Variants in AGBL4 observed in about 807,000 individuals in gnomAD.
AGBL4 encodes the protein AGBL carboxypeptidase 4, also known as cytosolic carboxypeptidase 6.
A neutral mutation model predicts 66.4 loss-of-function variants in AGBL4; 58 were observed. The ratio of observed to expected loss-of-function variants is 0.87; its 90% CI spans 0.71 to 1.09. The LOEUF is 1.09. Among genes scored for constraint, AGBL4 ranks in the 50% least tolerant of loss-of-function variants. AGBL4 has a pLI of 0.00. For synonymous variants in AGBL4, 234 were observed against 222.9 expected (o/e 1.05, Z -0.44); for missense variants, 579 against 631.0 (o/e 0.92, Z 0.88).
intron 5 of AGBL4, among the ~76,000 whole-genome samples, chr1:48,888,122 C>T (rs1388513360): frequency 6.6e-6 from 1 of 152,186 alleles, no homozygotes; most frequent in African/African-American, 2.4e-5. Context: ...TTCCCATAAA[C>T]AGCACAAGCA....
intron 1 of AGBL4, among the ~76,000 whole-genome samples, chr1:49,877,575 G>A (rs541385299): frequency 6.6e-5 from 10 of 152,046 alleles, no homozygotes; most frequent in East Asian, 1.9e-4. Context: ...ATTTTATTGA[G>A]GATTTTTGCA....
At chr1:49,269,007 T>A (rs2148381922) in intron 3 of AGBL4, 1 of 152,318 alleles carries the variant, frequency 6.6e-6, no homozygotes, top group African/African-American at 2.4e-5. Context: ...TACAGCAGCT[T>A]TAAGCCAAGA....
intron 1 of AGBL4, among the ~76,000 whole-genome samples, chr1:49,937,487 G>C (rs1654204357): frequency 6.6e-6 from 1 of 152,002 alleles, no homozygotes. Flanking sequence ...GCACCAAGCA[G>C]ACCTAATAGA....
intron 5 of AGBL4, among the ~76,000 whole-genome samples, chr1:49,033,557 T>G (rs1664400070): frequency 1.3e-5 from 2 of 152,098 alleles, no homozygotes; most frequent in African/African-American, 4.8e-5. Context: ...TTCTGTGGAA[T>G]TGCCTTCTGC....
intron 3 of AGBL4, among the ~76,000 whole-genome samples, chr1:49,654,606 C>T (rs939840072): frequency 5.9e-5 from 9 of 152,082 alleles, no homozygotes; most frequent in African/African-American, 2.2e-4. Context: ...TCTGGGTGCT[C>T]CTGCATTGGC....
At chr1:48,596,620 T>G (rs903150535) in intron 9 of AGBL4, among the ~76,000 whole-genome samples, 88 of 152,216 alleles carry the variant, frequency 5.8e-4, no homozygotes, top group African/African-American at 1.9e-3. Flanking sequence ...TTTAAAAAAT[T>G]TTTTTTGTAG....
chr1:48,968,745 C>A (rs891028661), intron 5 of AGBL4, among the ~76,000 whole-genome samples: 3 of 152,060 alleles, frequency 2.0e-5, no homozygotes, highest in Non-Finnish European at 4.4e-5. Context: ...AAATTTTCTA[C>A]CACCTTCTTC....
chr1:48,718,929 G>A (rs2148529121), intron 6 of AGBL4, among the ~76,000 whole-genome samples: 1 of 152,252 alleles, frequency 6.6e-6, no homozygotes, highest in African/African-American at 2.4e-5. Context: ...TACCTGCCGT[G>A]GGATGGGCAC....
At chr1:49,806,665 C>A (rs1190634325) in intron 2 of AGBL4, among the ~76,000 whole-genome samples, 1 of 152,112 alleles carries the variant, frequency 6.6e-6, no homozygotes, top group East Asian at 1.9e-4. Flanking sequence ...AAGTTCTATT[C>A]ATCAAAACTA....
At chr1:49,163,639 G>T (rs1646579273) in intron 4 of AGBL4, among the ~76,000 whole-genome samples, 1 of 152,160 alleles carries the variant, frequency 6.6e-6, no homozygotes, top group Non-Finnish European at 1.5e-5. Context: ...AACGTCTGTT[G>T]ATGTATGAAC....
At chr1:48,923,899 A>T (rs1333207420) in intron 5 of AGBL4, among the ~76,000 whole-genome samples, 1 of 152,150 alleles carries the variant, frequency 6.6e-6, no homozygotes, top group African/African-American at 2.4e-5. Flanking sequence ...TAGTTATTAG[A>T]GAATATTAGA....
intron 1 of AGBL4, among the ~76,000 whole-genome samples, chr1:49,939,115 G>C (rs1476173797): frequency 1.3e-5 from 2 of 151,978 alleles, no homozygotes; most frequent in African/African-American, 4.8e-5. Context: ...GCTTCAAAGA[G>C]AATAAAATAC....
intron 5 of AGBL4, among the ~76,000 whole-genome samples, chr1:48,976,584 C>A (rs988396090): frequency 1.3e-5 from 2 of 152,158 alleles, no homozygotes; most frequent in Non-Finnish European, 2.9e-5. Context: ...TGGTGTCCTA[C>A]ACAGCATTCA....
At chr1:49,396,641 A>G (rs1474032914) in intron 3 of AGBL4, among the ~76,000 whole-genome samples, 2 of 152,200 alleles carry the variant, frequency 1.3e-5, no homozygotes, top group Non-Finnish European at 2.9e-5. Context: ...GTGTAAAAAT[A>G]AGATATAATA....
intron 5 of AGBL4, among the ~76,000 whole-genome samples, chr1:48,977,845 C>A (rs1659461911): frequency 6.6e-6 from 1 of 152,004 alleles, no homozygotes; most frequent in African/African-American, 2.4e-5. Context: ...GCATCTGTGC[C>A]CAATAACAAA....
At chr1:48,798,871 TCTATATGC>T (rs1645750052) in intron 6 of AGBL4, among the ~76,000 whole-genome samples, 1 of 152,188 alleles carries the variant, frequency 6.6e-6, no homozygotes, top group Non-Finnish European at 1.5e-5. Flanking sequence ...GTTTCAATAG[TCTATATGC>T]CTATTTTTAT....
At chr1:48,871,829 C>T (rs377192359) in intron 5 of AGBL4, among the ~76,000 whole-genome samples, 5 of 152,042 alleles carry the variant, frequency 3.3e-5, no homozygotes, top group Non-Finnish European at 5.9e-5. Context: ...CCCCATGCAT[C>T]GAGTGAATGC....
At chr1:48,670,299 C>A (rs1435650443) in intron 6 of AGBL4, among the ~76,000 whole-genome samples, 1 of 152,170 alleles carries the variant, frequency 6.6e-6, no homozygotes, top group South Asian at 2.1e-4. Context: ...AACACCCTCA[C>A]TATGAAGAAG....
At chr1:49,342,918 G>A (rs1645568844) in intron 3 of AGBL4, among the ~76,000 whole-genome samples, 2 of 152,176 alleles carry the variant, frequency 1.3e-5, no homozygotes. Flanking sequence ...GGTTTCACCT[G>A]GAAGGTTACC....
Sources: allele counts gnomAD v4.1 joint callset (sites outside exome capture counted in the v4.1 genomes callset), GRCh38; gene constraint gnomAD v4.1.1; transcripts MANE v1.5; gene names NCBI Gene and HGNC (gene_info 2026-07-23, HGNC 2026-07-21).